Variants in FRY observed in about 807,000 individuals in gnomAD.
FRY encodes FRY microtubule binding protein.
FRY carries 128 observed loss-of-function variants against 348.4 expected under a neutral mutation model. The observed-to-expected ratio is 0.37, with a 90% CI of 0.32 to 0.43. The LOEUF (loss-of-function observed/expected upper bound fraction) is 0.43. Among genes scored for constraint, FRY ranks in the 20% least tolerant of loss-of-function variants. The pLI is 1.00. For missense variants in FRY, 2,736 were observed against 3,695.2 expected, an observed-to-expected ratio of 0.74 and a Z score of 6.73; for synonymous variants, 1,370 against 1,374.7, an observed-to-expected ratio of 1.00 and a Z score of 0.08.
chr13:32,246,152 C>T (rs542728788), intron 47 of FRY, among the ~76,000 whole-genome samples: 3 of 152,300 alleles, frequency 2.0e-5, no homozygotes, highest in Admixed American at 6.5e-5. Context: ...CTTAGGCCTG[C>T]GGGCGACGTC....
chr13:32,289,362 A>T (rs1889221856), intron 58 of FRY, among the ~76,000 whole-genome samples: 1 of 152,254 alleles, frequency 6.6e-6, no homozygotes, highest in Admixed American at 6.5e-5. Flanking sequence ...ACTGGCAAAT[A>T]TAATGGAAAT....
In FRY at chr13:32,031,984, C is replaced by G. The variant is rs551736657; in HGVS notation, c.70+119C>G. 5.6e-5 allele frequency: 33 copies of G among 585,578 alleles called. No individual in the cohort carries two copies. In the East Asian group the frequency reaches 8.7e-4, roughly 15 times the overall value. The allele number at this position is 585,578 out of a possible 1,614,324, so 36.3% of individuals were successfully genotyped here. On this transcript the variant is annotated intron_variant, in intron 1 of 60. Transcript: ENST00000542859. ...GAGCCGCGGAAGTTTTTCTTTTTTT[C>G]TTTTCTTTTCTTTTCTCTTTCTTTC...
At chr13:32,188,209 C>G (rs1263792154) in intron 28 of FRY, among the ~76,000 whole-genome samples, 1 of 152,076 alleles carries the variant, frequency 6.6e-6, no homozygotes, top group East Asian at 1.9e-4. Flanking sequence ...TCTTAATAAT[C>G]TCCATCAAGG....
At chr13:32,150,495 C>T (rs1880726459) in intron 14 of FRY, among the ~76,000 whole-genome samples, 1 of 152,246 alleles carries the variant, frequency 6.6e-6, no homozygotes, top group South Asian at 2.1e-4. Context: ...AAATTTGCCA[C>T]TTGCCACAGG....
At chr13:32,097,859 T>C (rs1406197355) in intron 2 of FRY, among the ~76,000 whole-genome samples, 1 of 152,094 alleles carries the variant, frequency 6.6e-6, no homozygotes, top group Non-Finnish European at 1.5e-5. Flanking sequence ...TTGAACAACA[T>C]TTGAATGTAC....
Position 32,149,923 on chromosome 13 carries a change from A to T in FRY, c.1479+89A>T, listed in dbSNP as rs1466199302. On this transcript the variant is annotated intron_variant, in intron 14 of 60. Transcript: ENST00000542859. ...GCGGCTTTGGAGAATGGGATGAGGG[A>T]TGTCTTCTCACAAAGTCTTCTATTT... 1.0e-5 allele frequency: 8 copies of T among 788,494 alleles called. No individual in the cohort carries two copies. In the East Asian group the frequency reaches 2.0e-4, roughly 20 times the overall value. The allele number at this position is 788,494 out of a possible 1,614,324, so 48.8% of individuals were successfully genotyped here.
intron 17 of FRY, among the ~76,000 whole-genome samples, chr13:32,170,476 A>G (rs953580487): frequency 2.0e-5 from 3 of 152,180 alleles, no homozygotes; most frequent in African/African-American, 7.2e-5. Flanking sequence ...CTATATCGGA[A>G]AACTCTGTAT....
intron 17 of FRY, among the ~76,000 whole-genome samples, chr13:32,162,837 A>G (rs1332927743): frequency 6.6e-6 from 1 of 152,156 alleles, no homozygotes; most frequent in East Asian, 1.9e-4. Context: ...CCTAGCAACC[A>G]CAATATGAGT....
At chr13:32,207,981 A>G (rs958997491) in intron 31 of FRY, among the ~76,000 whole-genome samples, 5 of 152,250 alleles carry the variant, frequency 3.3e-5, no homozygotes, top group African/African-American at 1.2e-4. Flanking sequence ...CTGCATATAC[A>G]TAATGCTGTG....
chr13:32,213,738 T>C (rs1314743427), intron 35 of FRY, among the ~76,000 whole-genome samples: 1 of 152,226 alleles, frequency 6.6e-6, no homozygotes, highest in Non-Finnish European at 1.5e-5. Flanking sequence ...TTATTTGAGG[T>C]AGAAAGATGA....
At chr13:32,163,125 G>A (rs1881542894) in intron 17 of FRY, among the ~76,000 whole-genome samples, 1 of 152,204 alleles carries the variant, frequency 6.6e-6, no homozygotes, top group Non-Finnish European at 1.5e-5. Flanking sequence ...TAGAGCTACT[G>A]AAAACATAAA....
chr13:32,282,869 G>A (rs1231254070), intron 58 of FRY, among the ~76,000 whole-genome samples: 1 of 152,138 alleles, frequency 6.6e-6, no homozygotes, highest in Non-Finnish European at 1.5e-5. Context: ...ACGGCCGAGC[G>A]TGGTGGCTCA....
intron 4 of FRY, among the ~76,000 whole-genome samples, chr13:32,118,162 C>T (rs1057390328): frequency 3.9e-5 from 6 of 152,036 alleles, no homozygotes; most frequent in African/African-American, 1.4e-4. Flanking sequence ...TAGGTAAGCA[C>T]ATATAATTTC....
chr13:32,207,173 G>A (rs1418605743), intron 31 of FRY, among the ~76,000 whole-genome samples: 5 of 152,130 alleles, frequency 3.3e-5, no homozygotes, highest in African/African-American at 1.2e-4. Flanking sequence ...GCTCCGAAAA[G>A]TCCATAGATT....
At chr13:32,151,301 A>T (rs1018587799) in intron 14 of FRY, among the ~76,000 whole-genome samples, 4 of 152,114 alleles carry the variant, frequency 2.6e-5, no homozygotes, top group South Asian at 2.1e-4. Flanking sequence ...ACTGTGATTT[A>T]AAAAAAATAT....
chr13:32,032,284 G>A (rs918369829), intron 1 of FRY, among the ~76,000 whole-genome samples: 2 of 152,152 alleles, frequency 1.3e-5, no homozygotes. Flanking sequence ...TTTAATCAAA[G>A]GGGTGTGGCA....
In FRY at chr13:32,265,432, G is replaced by T. The variant is rs763166045; in HGVS notation, c.7780-18G>T. On this transcript the variant is annotated intron_variant, in intron 53 of 60. Transcript: ENST00000542859. ...TTCTTACACATTGGGGGATTCTTTT[G>T]TCTTTTTATTCTTCCAGGCTGAAGC... 1 of 1,613,464 alleles carries T rather than the reference G, an allele frequency of 6.2e-7. No homozygotes were observed. Among genetic ancestry groups the T allele is most frequent in the South Asian group, 1.1e-5 (1 of 91,074 alleles).
intron 7 of FRY, among the ~76,000 whole-genome samples, chr13:32,127,594 G>A (rs949451492): frequency 6.6e-5 from 10 of 152,100 alleles, no homozygotes; most frequent in Non-Finnish European, 1.5e-4. Context: ...TGGCTAACAC[G>A]TTGAAACCCC....
intron 7 of FRY, among the ~76,000 whole-genome samples, chr13:32,127,699 A>C (rs926679812): frequency 5.9e-5 from 9 of 152,130 alleles, no homozygotes; most frequent in African/African-American, 2.2e-4. Context: ...GAATCGCTTG[A>C]ACCCGGGAGG....
Sources: gnomAD v4.1 joint callset for allele counts (sites outside exome capture counted in the v4.1 genomes callset) on GRCh38, gnomAD v4.1.1 for gene constraint, MANE v1.5 for transcripts, NCBI Gene and HGNC (gene_info 2026-07-23, HGNC 2026-07-21) for gene names.